The following ZNG1F variants were observed in gnomAD, a reference collection of about 807,000 sequenced individuals.
ZNG1F encodes the protein Zn regulated GTPase metalloprotein activator 1F.
chr9:41,184,165 T>C, the ZNG1F span, among the ~76,000 whole-genome samples: 97 of 148,698 alleles, frequency 6.5e-4, no homozygotes, highest in African/African-American at 2.3e-3. Context: ...TTGGCCAGTG[T>C]ACCATGTGCT....
the ZNG1F span, among the ~76,000 whole-genome samples, chr9:41,140,298 A>G: frequency 3.3e-5 from 3 of 90,532 alleles, no homozygotes; most frequent in Non-Finnish European, 4.6e-5. Flanking sequence ...TGTACAGCAT[A>G]TATGTTACTG....
At chr9:41,159,206 A>G in the ZNG1F span, among the ~76,000 whole-genome samples, 6 of 150,550 alleles carry the variant, frequency 4.0e-5, 1 homozygote, top group Non-Finnish European at 5.9e-5. Context: ...TCTCATAAAC[A>G]GGGTGCACCA....
the ZNG1F span, chr9:41,158,925 G>A: frequency 1.4e-5 from 2 of 138,546 alleles, no homozygotes; most frequent in Non-Finnish European, 3.1e-5. Context: ...AACTGAGTAA[G>A]AGAATGAAGT....
At chr9:41,166,468 AT>A in the ZNG1F span, among the ~76,000 whole-genome samples, 8,308 of 141,142 alleles carry the variant, frequency 0.059, 94 homozygotes, top group Middle Eastern at 0.12. Flanking sequence ...ATATATATAT[AT>A]ATATAAAATC....
At chr9:41,193,012 T>C in the ZNG1F span, among the ~76,000 whole-genome samples, 17 of 151,638 alleles carry the variant, frequency 1.1e-4, no homozygotes, top group African/African-American at 3.6e-4. Context: ...ATAGGCACTG[T>C]GTTAAGCACA....
the ZNG1F span, among the ~76,000 whole-genome samples, chr9:41,185,135 T>A: frequency 8.5e-6 from 1 of 117,908 alleles, no homozygotes; most frequent in Non-Finnish European, 2.0e-5. Context: ...AAGTACTGTG[T>A]CTAGAGCTAT....
chr9:41,157,641 A>ATT, the ZNG1F span: 1 of 141,638 alleles, frequency 7.1e-6, no homozygotes. Context: ...CAGATTCAAG[A>ATT]TTTTTTTTTC....
At chr9:41,145,930 A>G in the ZNG1F span, 1 of 120,674 alleles carries the variant, frequency 8.3e-6, no homozygotes, top group African/African-American at 3.1e-5. Flanking sequence ...TGGCATAACA[A>G]ATTACAACCA....
At chr9:41,158,231 T>C in the ZNG1F span, 61 of 67,166 alleles carry the variant, frequency 9.1e-4, no homozygotes, top group African/African-American at 2.0e-3. Flanking sequence ...GGAGAATCGC[T>C]TGAACCCAGG....
chr9:41,152,169 A>G, the ZNG1F span, among the ~76,000 whole-genome samples: 3 of 139,588 alleles, frequency 2.1e-5, no homozygotes, highest in Admixed American at 7.6e-5. Context: ...CTACCAAGCA[A>G]ATGAAAAACA....
At chr9:41,187,608 G>A in the ZNG1F span, among the ~76,000 whole-genome samples, 2 of 149,494 alleles carry the variant, frequency 1.3e-5, no homozygotes, top group African/African-American at 4.9e-5. Flanking sequence ...AGGCTAACAT[G>A]CAACTAATAA....
At chr9:41,142,797 C>CACT in the ZNG1F span, among the ~76,000 whole-genome samples, 3 of 134,884 alleles carry the variant, frequency 2.2e-5, no homozygotes, top group African/African-American at 8.2e-5. Flanking sequence ...CACACCACTG[C>CACT]ACTCCAGCCT....
chr9:41,174,232 G>GAAAAAACAAAAAA, the ZNG1F span: 1 of 904,710 alleles, frequency 1.1e-6, no homozygotes, highest in Non-Finnish European at 1.4e-6. Context: ...CTCTGTCTCA[G>GAAAAAACAAAAAA]AAAAAAAAAA....
chr9:41,185,672 A>G, the ZNG1F span, among the ~76,000 whole-genome samples: 1 of 151,656 alleles, frequency 6.6e-6, no homozygotes, highest in Non-Finnish European at 1.5e-5. Flanking sequence ...ACTCCATCTC[A>G]AAAAAAATAA....
chr9:41,179,008 T>C, the ZNG1F span, among the ~76,000 whole-genome samples: 152 of 89,062 alleles, frequency 1.7e-3, 9 homozygotes, highest in African/African-American at 6.0e-3. Context: ...AAGCAGCTGG[T>C]GACTTCAAGT....
At chr9:41,152,423 G>A in the ZNG1F span, among the ~76,000 whole-genome samples, 2 of 148,084 alleles carry the variant, frequency 1.4e-5, no homozygotes, top group African/African-American at 5.0e-5. Context: ...ACACCCCACT[G>A]TCAACATTAG....
the ZNG1F span, chr9:41,132,510 G>T: frequency 4.4e-6 from 6 of 1,378,350 alleles, 1 homozygote; most frequent in Non-Finnish European, 1.9e-6. Context: ...AATTATTTGT[G>T]AATTACAAGA....
At chr9:41,193,717 T>A in the ZNG1F span, among the ~76,000 whole-genome samples, 1 of 151,948 alleles carries the variant, frequency 6.6e-6, no homozygotes, top group African/African-American at 2.4e-5. Context: ...TTGGCCAACG[T>A]GGCAAAACCC....
chr9:41,177,385 A>G, the ZNG1F span: 1 of 144,374 alleles, frequency 6.9e-6, no homozygotes, highest in African/African-American at 2.6e-5. Context: ...TCAAAAATAA[A>G]GAAGAAAACT....
Sources: allele counts gnomAD v4.1 joint callset (sites outside exome capture counted in the v4.1 genomes callset), GRCh38; gene constraint gnomAD v4.1.1; transcripts MANE v1.5; gene names NCBI Gene and HGNC (gene_info 2026-07-23, HGNC 2026-07-21).